Variants in CDK15 observed in about 807,000 individuals in gnomAD.
CDK15 encodes cyclin dependent kinase 15, also known as cyclin-dependent kinase 15.
Under a neutral mutation model 60.3 loss-of-function variants are expected in CDK15, and 62 were observed. The ratio of observed to expected loss-of-function variants is 1.03; its 90% confidence interval spans 0.84 to 1.27. The LOEUF (loss-of-function observed/expected upper bound fraction) is 1.27. Ranked by LOEUF, CDK15 falls within the 50% of genes most tolerant of loss-of-function variation. The pLI, the probability that CDK15 is intolerant of heterozygous loss-of-function variation, is 0.00. For synonymous variants in CDK15, 194 were observed against 195.7 expected (o/e 0.99, Z 0.07); for missense variants, 541 against 527.8 (o/e 1.03, Z -0.25).
intron 4 of CDK15, among the ~76,000 whole-genome samples, chr2:201,816,825 C>G (rs1185303229): frequency 6.6e-6 from 1 of 152,158 alleles, no homozygotes; most frequent in Non-Finnish European, 1.5e-5. Flanking sequence ...TGTGCCATGT[C>G]AGTTTACCAT....
chr2:201,815,743 T>C (rs1695962560), intron 4 of CDK15, among the ~76,000 whole-genome samples: 1 of 152,232 alleles, frequency 6.6e-6, no homozygotes, highest in South Asian at 2.1e-4. Context: ...AGCCTGTTAA[T>C]AGCATTTTTC....
In CDK15 at chr2:201,806,772, G is replaced by C. The variant is rs766560956; in HGVS notation, c.108G>C (p.Thr36=). 6.3e-7 allele frequency: 1 copy of C among 1,598,450 alleles called. No individual in the cohort carries two copies. The highest frequency in any genetic ancestry group is 1.1e-5 in the South Asian group (1 of 91,050). Residue 36 remains threonine (T), a synonymous_variant, in exon 1 of 14, where the codon ACG becomes ACC. Coordinates refer to ENST00000652192, the MANE Select transcript of CDK15 (RefSeq NM_001366386.2). ...GTCGGAGGAGTCAGCCTGAGACCAC[G>C]GAGGCTGCGTTCAAGGTATTTGTAT... ...HSCRRSQPET[T]EAAFKLTDLK...
chr2:201,808,299 G>GT (rs1473513509), intron 3 of CDK15, among the ~76,000 whole-genome samples: 1 of 152,170 alleles, frequency 6.6e-6, no homozygotes, highest in Non-Finnish European at 1.5e-5. Flanking sequence ...TCTCTAACAG[G>GT]TTTTTTATAT....
chr2:201,812,402 C>T, intron 3 of CDK15, 81 bp from the exon 4 acceptor site: 1 of 823,220 alleles, frequency 1.2e-6, no homozygotes, highest in Non-Finnish European at 2.0e-6. Context: ...AGTGAAAGTG[C>T]TTTTGTTAAG....
At chr2:201,817,503 G>C (rs1344040269) in intron 4 of CDK15, among the ~76,000 whole-genome samples, 1 of 152,142 alleles carries the variant, frequency 6.6e-6, no homozygotes, top group Non-Finnish European at 1.5e-5. Context: ...ATTCTACAGT[G>C]CCGGTAATTG....
intron 12 of CDK15, among the ~76,000 whole-genome samples, chr2:201,880,402 C>T (rs914771463): frequency 1.3e-5 from 2 of 152,156 alleles, no homozygotes; most frequent in African/African-American, 4.8e-5. Flanking sequence ...TTACAAGGAC[C>T]TCTTTGTAAT....
intron 8 of CDK15, among the ~76,000 whole-genome samples, chr2:201,846,567 C>CTT (rs541348954): frequency 1.4e-5 from 2 of 139,142 alleles, no homozygotes; most frequent in African/African-American, 5.2e-5. Flanking sequence ...CTTTTTTTTT[C>CTT]TTTTTTTTTT....
chr2:201,815,287 ATATTAT>A (rs1310940781), intron 4 of CDK15, among the ~76,000 whole-genome samples: 1 of 152,174 alleles, frequency 6.6e-6, no homozygotes, highest in Non-Finnish European at 1.5e-5. Context: ...TTAGAGATAG[ATATTAT>A]TAATATTATT....
chr2:201,872,157 C>T (rs1698870242), intron 10 of CDK15, 121 bp from the exon 11 acceptor site: 1 of 1,023,832 alleles, frequency 9.8e-7, no homozygotes, highest in Admixed American at 1.8e-5. Context: ...ATTAGCCTAC[C>T]TGATACTTGA....
chr2:201,859,212 A>G (rs1027493393), intron 10 of CDK15, among the ~76,000 whole-genome samples: 4 of 152,290 alleles, frequency 2.6e-5, no homozygotes, highest in African/African-American at 7.2e-5. Flanking sequence ...TAAAGCCCCA[A>G]TGGATGCCGT....
intron 11 of CDK15, among the ~76,000 whole-genome samples, chr2:201,878,804 G>A (rs550240604): frequency 6.8e-4 from 103 of 152,316 alleles, no homozygotes; most frequent in African/African-American, 2.4e-3. Context: ...CACTGTGTCT[G>A]CACAGGGCAG....
intron 7 of CDK15, among the ~76,000 whole-genome samples, chr2:201,834,648 G>A (rs148524878): frequency 6.6e-5 from 10 of 152,260 alleles, no homozygotes; most frequent in African/African-American, 2.4e-4. Context: ...CATAATGAGG[G>A]CAGCCTGGGT....
chr2:201,847,793 C>T (rs1697735152), intron 9 of CDK15, among the ~76,000 whole-genome samples: 1 of 152,168 alleles, frequency 6.6e-6, no homozygotes, highest in South Asian at 2.1e-4. Flanking sequence ...TACCTTGCTA[C>T]CTCCAGTTCT....
intron 13 of CDK15, 28 bp downstream of exon 13, chr2:201,890,955 T>A: frequency 8.0e-7 from 1 of 1,253,826 alleles, no homozygotes; most frequent in Non-Finnish European, 1.2e-6. Flanking sequence ...TGAGGTTCCT[T>A]ATGGAACAAA....
intron 10 of CDK15, among the ~76,000 whole-genome samples, chr2:201,858,230 T>C (rs1574910701): frequency 2.0e-5 from 3 of 152,214 alleles, no homozygotes; most frequent in Non-Finnish European, 1.5e-5. Context: ...TTCTTGGAGC[T>C]TTGATGAGCA....
In CDK15 at chr2:201,860,789, G is replaced by A. The variant is rs372125804; in HGVS notation, c.1009+5852G>A. On this transcript the variant is annotated intron_variant, in intron 10 of 13. Transcript: ENST00000652192. ...TGGCATACTGACATCGGACAGCATC[G>A]TACTGCAGCAATGCAGCCTTGTTCT... 17 of 1,352,162 alleles carry A rather than the reference G, an allele frequency of 1.3e-5. No homozygotes were observed. In the East Asian group the frequency reaches 3.2e-4, roughly 25 times the overall value. The allele number at this position is 1,352,162 out of a possible 1,614,324, so 83.8% of individuals were successfully genotyped here.
At chr2:201,825,962 A>C (rs1696469044) in intron 6 of CDK15, among the ~76,000 whole-genome samples, 1 of 152,224 alleles carries the variant, frequency 6.6e-6, no homozygotes, top group Non-Finnish European at 1.5e-5. Flanking sequence ...TGAGATTTTC[A>C]GGCTTGAGTG....
intron 9 of CDK15, among the ~76,000 whole-genome samples, chr2:201,852,424 G>A (rs1252891271): frequency 1.3e-5 from 2 of 152,162 alleles, no homozygotes; most frequent in Non-Finnish European, 2.9e-5. Flanking sequence ...CTATTTTTCT[G>A]AAGTGCCTGT....
At chr2:201,810,158 T>A (rs1007020983) in intron 3 of CDK15, among the ~76,000 whole-genome samples, 1 of 151,774 alleles carries the variant, frequency 6.6e-6, no homozygotes, top group Non-Finnish European at 1.5e-5. Context: ...AATACTTACC[T>A]CATAAAACTC....
Sources: gnomAD v4.1 joint callset for allele counts (sites outside exome capture counted in the v4.1 genomes callset) on GRCh38, gnomAD v4.1.1 for gene constraint, MANE v1.5 for transcripts, NCBI Gene and HGNC (gene_info 2026-07-23, HGNC 2026-07-21) for gene names.